Variants in ERCC6 observed in about 807,000 individuals in gnomAD.
ERCC6 encodes the protein ERCC excision repair 6, chromatin remodeling factor, also known as DNA excision repair protein ERCC-6.
Under a neutral mutation model 158.7 loss-of-function variants are expected in ERCC6, and 116 were observed. That is an observed-to-expected ratio of 0.73 (90% CI 0.63 to 0.85). The LOEUF is 0.85. ERCC6 is among the 40% of genes least tolerant of loss of function. The probability of loss-of-function intolerance (pLI) is 0.00; values close to 1 mark genes in which losing one functional copy is unlikely to be tolerated. For synonymous variants in ERCC6, 678 were observed against 659.3 expected (o/e 1.03, Z -0.43); for missense variants, 1,698 against 1,799.4 (o/e 0.94, Z 1.02).
chr10:49,459,390 G>C (rs987802450), intron 20 of ERCC6, among the ~76,000 whole-genome samples, 156 bp from the exon 21 acceptor site: 7 of 152,110 alleles, frequency 4.6e-5, no homozygotes, highest in African/African-American at 1.7e-4. Flanking sequence ...AAAAGGGAAA[G>C]GAGGAGGGTC....
At chr10:49,466,398 C>T (rs1194413971) in intron 18 of ERCC6, among the ~76,000 whole-genome samples, 4 of 152,154 alleles carry the variant, frequency 2.6e-5, no homozygotes, top group African/African-American at 9.7e-5. Flanking sequence ...AAGGAAGCTA[C>T]AAACATGGAA....
At chr10:49,467,737 T>C (rs1171621474) in intron 18 of ERCC6, among the ~76,000 whole-genome samples, 1 of 151,954 alleles carries the variant, frequency 6.6e-6, no homozygotes, top group Non-Finnish European at 1.5e-5. Flanking sequence ...GGCTATTTTT[T>C]TTTTTATTTT....
the ERCC6 span, among the ~76,000 whole-genome samples, chr10:49,442,395 T>A: frequency 6.6e-6 from 1 of 152,144 alleles, no homozygotes; most frequent in South Asian, 2.1e-4. Flanking sequence ...AAAGGATCAA[T>A]GGTGGTGGCC....
the ERCC6 span, among the ~76,000 whole-genome samples, chr10:49,445,955 C>T: frequency 1.3e-5 from 2 of 152,296 alleles, no homozygotes; most frequent in Admixed American, 6.5e-5. Flanking sequence ...TACAGAGAAG[C>T]TTTGCTGTTT....
At chr10:49,463,995 T>C (rs1393633226) in intron 18 of ERCC6, among the ~76,000 whole-genome samples, 1 of 152,194 alleles carries the variant, frequency 6.6e-6, no homozygotes, top group Non-Finnish European at 1.5e-5. Context: ...CCTGAAAAGA[T>C]ATCCCAAAAT....
In ERCC6 at chr10:49,455,162, A is replaced by C. The variant is rs1850465188; in HGVS notation, c.*3653T>G. Among the ~76,000 whole-genome samples the C allele has an allele frequency of 6.6e-6, 1 of 152,206 alleles. No individual in the cohort carries two copies. The highest frequency in any genetic ancestry group is 6.5e-5 in the Admixed American group (1 of 15,282). ...TATGTAAGTTAAAAGACTCACAACC[A>C]AAACTAAAAATCTATAAAACACCTA... On this transcript the variant is annotated 3_prime_UTR_variant, in exon 21 of 21. Transcript: ENST00000355832.
intron 1 of ERCC6, among the ~76,000 whole-genome samples, chr10:49,535,824 T>C (rs1266878409): frequency 1.3e-5 from 2 of 149,548 alleles, no homozygotes; most frequent in Non-Finnish European, 3.0e-5. Flanking sequence ...ACCATTTACC[T>C]TGGTAAAAGA....
intron 5 of ERCC6, chr10:49,517,211 A>G: frequency 6.8e-7 from 1 of 1,475,486 alleles, no homozygotes; most frequent in Non-Finnish European, 9.0e-7. Context: ...CAAACCCATA[A>G]CTAATGCAAT....
intron 2 of ERCC6, among the ~76,000 whole-genome samples, chr10:49,531,682 G>A (rs1448530160): frequency 6.6e-6 from 1 of 152,176 alleles, no homozygotes; most frequent in Non-Finnish European, 1.5e-5. Context: ...TGCTCCTGAG[G>A]AGGCCAAAAG....
At chr10:49,529,592 A>G (rs1837421247) in intron 3 of ERCC6, among the ~76,000 whole-genome samples, 1 of 152,212 alleles carries the variant, frequency 6.6e-6, no homozygotes, top group African/African-American at 2.4e-5. Flanking sequence ...CTATTCTGGA[A>G]GCAAGTGAGA....
chr10:49,483,627 G>A, intron 8 of ERCC6, 111 bp from the exon 9 acceptor site: 1 of 1,076,338 alleles, frequency 9.3e-7, no homozygotes. Flanking sequence ...AACATAACAT[G>A]CACAATCACA....
intron 5 of ERCC6, among the ~76,000 whole-genome samples, chr10:49,520,356 C>T (rs901905997): frequency 3.3e-5 from 5 of 152,116 alleles, no homozygotes; most frequent in African/African-American, 4.8e-5. Context: ...CTGTAGTCTG[C>T]GAGGGCAGCA....
intron 16 of ERCC6, among the ~76,000 whole-genome samples, chr10:49,471,632 C>T (rs1323438081): frequency 6.6e-6 from 1 of 152,162 alleles, no homozygotes; most frequent in East Asian, 1.9e-4. Flanking sequence ...GCCACCCTGT[C>T]CCTCCCTGTC....
At chr10:49,526,117 T>TTATATATATATATATATATATA (rs55801003) in intron 4 of ERCC6, among the ~76,000 whole-genome samples, 1 of 43,582 alleles carries the variant, frequency 2.3e-5, no homozygotes, top group African/African-American at 8.6e-5. Flanking sequence ...TTATATATTT[T>TTATATATATATATATATATATA]TATATATATA....
rs1234073108 is a variant in ERCC6 at position 49,458,459 on chromosome 10, AT to A, written c.*355del. 3 of 263,624 alleles carry A rather than the reference AT, an allele frequency of 1.1e-5. No homozygotes were observed. The highest frequency in any genetic ancestry group is 5.1e-5 in the Admixed American group (1 of 19,678). 16.3% of individuals were successfully genotyped at this position (263,624 alleles called of 1,614,324 possible). On this transcript the variant is annotated 3_prime_UTR_variant, in exon 21 of 21. Transcript: ENST00000355832. ...CTGTTTTTAGCACCAATAAAAAAAA[AT>A]ATTGAGATTTCTGTTCTGCAAACTT...
At chr10:49,505,554 A>C in intron 6 of ERCC6, 1 of 218,260 alleles carries the variant, frequency 4.6e-6, no homozygotes, top group South Asian at 1.2e-4. Context: ...TATTTAAGAA[A>C]TTAGGAGTTT....
intron 12 of ERCC6, among the ~76,000 whole-genome samples, chr10:49,474,789 C>T (rs570287033): frequency 2.0e-5 from 3 of 152,046 alleles, no homozygotes; most frequent in Non-Finnish European, 2.9e-5. Context: ...TAGGAATGCA[C>T]GAATGGGAAA....
chr10:49,482,900 A>G (rs1248045333), intron 9 of ERCC6, 37 bp from the exon 10 acceptor site: 3 of 1,611,516 alleles, frequency 1.9e-6, no homozygotes, highest in Admixed American at 1.7e-5. Flanking sequence ...TATTAAATTT[A>G]CCTTTTAGCA....
chr10:49,480,158 C>A lies in ERCC6; in HGVS notation c.2170-1688G>T, dbSNP rs537799148. Among the ~76,000 whole-genome samples, 6 of 152,330 alleles carry A rather than the reference C, an allele frequency of 3.9e-5. No individual in the cohort carries two copies. In the South Asian group the frequency reaches 1.2e-3, roughly 32 times the overall value. The stretch of plus-strand genomic sequence containing the variant: ...ACCCCAGCAGCAGTCTATATTTGGG[C>A]TGCTGACATGCTCCCCATCACCTTC... On this transcript the variant is annotated intron_variant, in intron 10 of 20. Transcript: ENST00000355832.
Sources: gnomAD v4.1 joint callset for allele counts (sites outside exome capture counted in the v4.1 genomes callset) on GRCh38, gnomAD v4.1.1 for gene constraint, MANE v1.5 for transcripts, NCBI Gene and HGNC (gene_info 2026-07-23, HGNC 2026-07-21) for gene names.